Variants in DLG2 observed in about 807,000 individuals in gnomAD.
DLG2 encodes disks large homolog 2.
Under a neutral mutation model 132.5 loss-of-function variants are expected in DLG2, and 45 were observed. The observed-to-expected ratio is 0.34, with a 90% CI of 0.27 to 0.44. DLG2 has a LOEUF of 0.44. DLG2 is among the 20% of genes least tolerant of loss of function. DLG2 has a pLI of 1.00. For missense variants in DLG2, 1,045 were observed against 1,196.9 expected (o/e 0.87, Z 1.87); for synonymous variants, 424 against 419.6 (o/e 1.01, Z -0.13).
intron 6 of DLG2, among the ~76,000 whole-genome samples, chr11:85,070,356 A>G (rs996060288): frequency 7.9e-5 from 12 of 151,340 alleles, no homozygotes; most frequent in Non-Finnish European, 1.6e-4. Context: ...CTACACTCTT[A>G]TATTGACTGC....
At chr11:84,251,637 C>CTTTTTTTTTTTTT (rs369651884) in intron 7 of DLG2, among the ~76,000 whole-genome samples, 26 of 130,018 alleles carry the variant, frequency 2.0e-4, no homozygotes, top group South Asian at 2.3e-4. Context: ...TGTATCTTTT[C>CTTTTTTTTTTTTT]TTTCTTTTTT....
intron 19 of DLG2, among the ~76,000 whole-genome samples, chr11:83,607,184 G>C (rs1008179201): frequency 6.6e-6 from 1 of 152,186 alleles, no homozygotes; most frequent in African/African-American, 2.4e-5. Context: ...TGGATAGTTG[G>C]CTGCATTTGA....
chr11:85,059,914 A>T (rs1490342383), intron 6 of DLG2, among the ~76,000 whole-genome samples: 1 of 151,476 alleles, frequency 6.6e-6, no homozygotes, highest in Non-Finnish European at 1.5e-5. Context: ...TAAATACGTA[A>T]ATATACTAGA....
chr11:85,135,362 G>A (rs2076074364), intron 5 of DLG2, among the ~76,000 whole-genome samples: 1 of 152,194 alleles, frequency 6.6e-6, no homozygotes, highest in Non-Finnish European at 1.5e-5. Context: ...GAGACAGTCA[G>A]AATGGAGACA....
chr11:85,439,610 C>A (rs568148565), intron 3 of DLG2, among the ~76,000 whole-genome samples: 1 of 152,210 alleles, frequency 6.6e-6, no homozygotes, highest in Admixed American at 6.5e-5. Context: ...GTACCCGCCT[C>A]GGCCTCCCAA....
intron 18 of DLG2, among the ~76,000 whole-genome samples, chr11:83,652,941 A>G (rs1412055233): frequency 6.6e-6 from 1 of 152,176 alleles, no homozygotes; most frequent in Non-Finnish European, 1.5e-5. Flanking sequence ...ATTCTTTCAA[A>G]AGCTCTGTGT....
At chr11:84,364,757 T>G (rs626155) in intron 7 of DLG2, among the ~76,000 whole-genome samples, 2,351 of 152,322 alleles carry the variant, frequency 0.015, 176 homozygotes, top group Admixed American at 0.12. Context: ...TTTCTGCATC[T>G]ATTGAGATAA....
At chr11:85,550,003 T>C (rs1334028186) in intron 3 of DLG2, among the ~76,000 whole-genome samples, 1 of 152,234 alleles carries the variant, frequency 6.6e-6, no homozygotes, top group Non-Finnish European at 1.5e-5. Flanking sequence ...TATAAGCAGC[T>C]GAGCAGCCCA....
chr11:85,020,553 G>A (rs1054179768), intron 6 of DLG2, among the ~76,000 whole-genome samples: 1 of 152,076 alleles, frequency 6.6e-6, no homozygotes, highest in Non-Finnish European at 1.5e-5. Flanking sequence ...TGTCCTGAAT[G>A]GTACTGCCTA....
Position 84,474,724 on chromosome 11 carries a change from A to G in DLG2, c.519+59846T>C, listed in dbSNP as rs527342230. Among the ~76,000 whole-genome samples the G allele has an allele frequency of 2.2e-3, 333 of 152,162 alleles. 1 individual carries two copies. Among genetic ancestry groups the G allele is most frequent in the African/African-American group, 7.8e-3 (326 of 41,538 alleles). ...TACTACTACCAGTAGTAGTAGCACT[A>G]TTATTTTACAACTATGATCTTATGC... On this transcript the variant is annotated intron_variant, in intron 7 of 27. Coordinates refer to ENST00000376104, the MANE Select transcript of DLG2 (RefSeq NM_001142699.3).
At chr11:85,511,807 C>T (rs1225206293) in intron 3 of DLG2, among the ~76,000 whole-genome samples, 1 of 151,034 alleles carries the variant, frequency 6.6e-6, no homozygotes, top group Non-Finnish European at 1.5e-5. Flanking sequence ...CAGCCTCAAA[C>T]TCCTGGGCTT....
chr11:84,007,916 T>A (rs894035760), intron 11 of DLG2, among the ~76,000 whole-genome samples: 27 of 151,790 alleles, frequency 1.8e-4, no homozygotes, highest in Non-Finnish European at 3.4e-4. Context: ...TAAGTTCCAG[T>A]ATTGAAAGGA....
At chr11:84,264,202 C>G (rs1567972) in intron 7 of DLG2, among the ~76,000 whole-genome samples, 149,829 of 152,270 alleles carry the variant, frequency 0.98, 73,721 homozygotes, top group East Asian at 1. Flanking sequence ...AGATGTGTTT[C>G]TATATTGTCA....
At chr11:84,007,841 T>C (rs2094648979) in intron 11 of DLG2, among the ~76,000 whole-genome samples, 1 of 151,714 alleles carries the variant, frequency 6.6e-6, no homozygotes, top group Non-Finnish European at 1.5e-5. Flanking sequence ...AGGAGGCTAA[T>C]ACTTACCTCA....
intron 21 of DLG2, among the ~76,000 whole-genome samples, chr11:83,525,185 A>C (rs2095576155): frequency 6.6e-6 from 1 of 152,162 alleles, no homozygotes; most frequent in South Asian, 2.1e-4. Context: ...ATCGGCTTTC[A>C]GGGTTTACAT....
chr11:85,538,768 C>T (rs991143790), intron 3 of DLG2, among the ~76,000 whole-genome samples: 1 of 151,806 alleles, frequency 6.6e-6, no homozygotes. Flanking sequence ...CATGTTCTCA[C>T]TCATAAATGG....
chr11:85,144,802 A>T (rs1239751459), intron 5 of DLG2, among the ~76,000 whole-genome samples: 1 of 151,916 alleles, frequency 6.6e-6, no homozygotes, highest in Non-Finnish European at 1.5e-5. Flanking sequence ...TGTTGTAGTT[A>T]TTATTTTTGA....
intron 7 of DLG2, among the ~76,000 whole-genome samples, chr11:84,393,803 T>C (rs2098801367): frequency 6.6e-6 from 1 of 152,234 alleles, no homozygotes; most frequent in Non-Finnish European, 1.5e-5. Context: ...AATTCTAAAC[T>C]TAGTCAATTT....
chr11:83,558,564 T>C (rs1488587945), intron 19 of DLG2, among the ~76,000 whole-genome samples: 1 of 152,112 alleles, frequency 6.6e-6, no homozygotes, highest in East Asian at 1.9e-4. Context: ...GCACTGTAAA[T>C]TTGTTACCAT....
Sources: allele counts gnomAD v4.1 joint callset (sites outside exome capture counted in the v4.1 genomes callset), GRCh38; gene constraint gnomAD v4.1.1; transcripts MANE v1.5; gene names NCBI Gene and HGNC (gene_info 2026-07-23, HGNC 2026-07-21).